The following GAREM1 variants were observed in gnomAD, a reference collection of about 807,000 sequenced individuals.
GAREM1 encodes GRB2 associated regulator of MAPK1 subtype 1, also known as GRB2-associated and regulator of MAPK protein 1.
Under a neutral mutation model 71.3 loss-of-function variants are expected in GAREM1, and 26 were observed. The observed-to-expected ratio is 0.36, with a 90% CI of 0.27 to 0.51. The LOEUF is 0.51. Ranked by LOEUF, GAREM1 falls within the 20% of genes least tolerant of loss-of-function variation. The pLI, the probability that GAREM1 is intolerant of heterozygous loss-of-function variation, is 0.95. For synonymous variants in GAREM1, 440 were observed against 433.2 expected, an observed-to-expected ratio of 1.02 and a Z score of -0.20; for missense variants, 1,026 against 1,103.1, an observed-to-expected ratio of 0.93 and a Z score of 0.99.
chr18:32,363,806 C>A (rs1242447386), intron 2 of GAREM1, among the ~76,000 whole-genome samples: 3 of 150,984 alleles, frequency 2.0e-5, no homozygotes, highest in Non-Finnish European at 4.4e-5. Context: ...AATCTTCCTA[C>A]AACTTTTTGA....
At chr18:32,433,702 A>G (rs1390906190) in intron 1 of GAREM1, among the ~76,000 whole-genome samples, 1 of 152,128 alleles carries the variant, frequency 6.6e-6, no homozygotes, top group African/African-American at 2.4e-5. Context: ...ATATAATACC[A>G]TTTACGATAG....
Position 32,266,121 on chromosome 18 carries a change from A to G in GAREM1, c.*1750T>C, listed in dbSNP as rs1210781542. On this transcript the variant is annotated 3_prime_UTR_variant, in exon 6 of 6. Transcript: ENST00000269209. ...TTTTGGGAGACACGTTAGGAGAAAA[A>G]AAATGCTTTTTTTTTTGATAAAGGA... 1 of 150,186 alleles carries G rather than the reference A, an allele frequency of 6.7e-6. No homozygotes were observed. The highest frequency in any genetic ancestry group is 1.5e-5 in the Non-Finnish European group (1 of 67,772). The allele number at this position is 150,186 out of a possible 1,614,324, so 9.3% of individuals were successfully genotyped here. A position where few individuals can be genotyped will look rare whatever the true frequency, so the allele number is the denominator to read the frequency against.
At chr18:32,294,910 C>T (rs535357590) in intron 3 of GAREM1, among the ~76,000 whole-genome samples, 23 of 152,106 alleles carry the variant, frequency 1.5e-4, no homozygotes, top group African/African-American at 4.8e-4. Flanking sequence ...TATAAAAATA[C>T]GATAAATTTG....
chr18:32,420,067 G>A (rs1362654094), intron 1 of GAREM1, among the ~76,000 whole-genome samples: 1 of 152,116 alleles, frequency 6.6e-6, no homozygotes, highest in Non-Finnish European at 1.5e-5. Flanking sequence ...CTTAAACTCA[G>A]ATAAATTTAA....
At chr18:32,343,682 C>T (rs11662835) in intron 2 of GAREM1, among the ~76,000 whole-genome samples, 10,439 of 152,200 alleles carry the variant, frequency 0.069, 413 homozygotes, top group Middle Eastern at 0.11. Context: ...CTCATATATT[C>T]CAGATTATGA....
intron 1 of GAREM1, among the ~76,000 whole-genome samples, chr18:32,450,093 G>A (rs139732635): frequency 3.9e-5 from 6 of 152,274 alleles, no homozygotes; most frequent in African/African-American, 1.2e-4. Flanking sequence ...ATTACAGTAA[G>A]GTTAAGTTAA....
intron 1 of GAREM1, among the ~76,000 whole-genome samples, chr18:32,435,501 T>C (rs16959889): frequency 0.081 from 12,280 of 152,242 alleles, 716 homozygotes; most frequent in African/African-American, 0.16. Context: ...GTCTGAATAC[T>C]AGATCACATT....
At chr18:32,389,803 C>A (rs566911960) in intron 2 of GAREM1, among the ~76,000 whole-genome samples, 1 of 152,144 alleles carries the variant, frequency 6.6e-6, no homozygotes, top group Admixed American at 6.5e-5. Context: ...TTCTTGGAGA[C>A]AAAATATATA....
intron 1 of GAREM1, among the ~76,000 whole-genome samples, chr18:32,441,647 A>G (rs1219574161): frequency 6.6e-6 from 1 of 152,176 alleles, no homozygotes; most frequent in Non-Finnish European, 1.5e-5. Context: ...AAACAAAAGC[A>G]GCTCGACTGC....
chr18:32,448,776 C>T lies in GAREM1; in HGVS notation c.121+21532G>A, dbSNP rs546785877. 9.5e-4 allele frequency among the ~76,000 whole-genome samples: 144 copies of T among 152,340 alleles called. No individual in the cohort carries two copies. The Middle Eastern group carries it at 0.014, about 14-fold the overall frequency. On this transcript the variant is annotated intron_variant, in intron 1 of 5. Coordinates refer to ENST00000269209, the MANE Select transcript of GAREM1 (RefSeq NM_001242409.2). ...TTACTTTGCTGTTATATGTCACCTT[C>T]CACCCCAAGTCTTTCTTGTTGGGGA...
rs545263104 is a variant in GAREM1 at position 32,278,676 on chromosome 18, G to A, written c.1567-8293C>T. On this transcript the variant is annotated intron_variant, in intron 4 of 5. Coordinates refer to ENST00000269209, the MANE Select transcript of GAREM1 (RefSeq NM_001242409.2). ...CCCAGATAACAAAATCATTACAGCCGTTAAGAAACCTTATTTATAAAGAGG... is the reference window on the plus strand; with the variant it reads ...CCCAGATAACAAAATCATTACAGCCATTAAGAAACCTTATTTATAAAGAGG... Among the ~76,000 whole-genome samples, 24 of 152,188 alleles carry A rather than the reference G, an allele frequency of 1.6e-4. No individual in the cohort carries two copies. In the South Asian group the frequency reaches 4.2e-3, roughly 26 times the overall value.
At chr18:32,276,050 T>TA (rs1461393581) in intron 4 of GAREM1, among the ~76,000 whole-genome samples, 1 of 152,256 alleles carries the variant, frequency 6.6e-6, no homozygotes, top group Admixed American at 6.5e-5. Flanking sequence ...CTGGTGTTGA[T>TA]ACAAGTCTCC....
chr18:32,418,756 A>C (rs2048490229), intron 1 of GAREM1, among the ~76,000 whole-genome samples: 1 of 152,168 alleles, frequency 6.6e-6, no homozygotes, highest in Admixed American at 6.5e-5. Context: ...ATTTAACGCA[A>C]CAGTGGCTCT....
At position 32,268,322 on chromosome 18, in the gene GAREM1, G is replaced by A. The variant is rs780556108; in HGVS notation, c.2180C>T (p.Pro727Leu). Residue 727 changes from proline (P) to leucine (L), a missense_variant, in exon 6 of 6, where the codon CCC becomes CTC. This residue lies in a region of GAREM1 where 636 missense variants were observed against 631.2 expected (regional missense o/e 1.01). Transcript: ENST00000269209. ...KQSTSCPALPPRAPKLVEEKV... is the reference protein window; with the variant it reads ...KQSTSCPALPLRAPKLVEEKV... Reference sequence around the variant, plus strand: ...CTCTTCCACTAGTTTTGGAGCCCTGGGGGGTAAGGCAGGGCATGACGTACT... The same window carrying A: ...CTCTTCCACTAGTTTTGGAGCCCTGAGGGGTAAGGCAGGGCATGACGTACT... 1.9e-6 allele frequency: 3 copies of A among 1,613,954 alleles called. No individual in the cohort carries two copies. Among genetic ancestry groups the A allele is most frequent in the African/African-American group, 1.3e-5 (1 of 74,894 alleles).
At chr18:32,344,726 AATGAAGTGTCAGGTCAGAAAGCTG>A (rs1257458020) in intron 2 of GAREM1, among the ~76,000 whole-genome samples, 1 of 152,252 alleles carries the variant, frequency 6.6e-6, no homozygotes, top group Admixed American at 6.5e-5. Context: ...AATTTGTAAT[AATGAAGTGTCAGGTCAGAAAGCTG>A]ATGAATAGTC....
At position 32,468,751 on chromosome 18, in the gene GAREM1, G is replaced by T. The variant is rs577063028; in HGVS notation, c.121+1557C>A. Among the ~76,000 whole-genome samples, 9 of 152,274 alleles carry T rather than the reference G, an allele frequency of 5.9e-5. No homozygotes were observed. In the South Asian group the frequency reaches 1.9e-3, roughly 32 times the overall value. ...CACATGCAGCAATGCTCTCTGCCTA[G>T]CTAGCAAATGTGGCAGTGTGCAGAG... is the stretch of plus-strand genomic sequence containing the variant. On this transcript the variant is annotated intron_variant, in intron 1 of 5. Transcript: ENST00000269209.
intron 1 of GAREM1, among the ~76,000 whole-genome samples, chr18:32,466,571 G>A (rs899858459): frequency 1.3e-5 from 2 of 152,178 alleles, no homozygotes; most frequent in Non-Finnish European, 2.9e-5. Flanking sequence ...CAAAAAGGTT[G>A]TAAGAATGCT....
At chr18:32,447,695 C>T (rs1462611885) in intron 1 of GAREM1, among the ~76,000 whole-genome samples, 1 of 152,074 alleles carries the variant, frequency 6.6e-6, no homozygotes, top group East Asian at 1.9e-4. Flanking sequence ...AATGATGTAA[C>T]TTTAGTACTA....
At chr18:32,375,972 A>G (rs953744736) in intron 2 of GAREM1, among the ~76,000 whole-genome samples, 33 of 152,152 alleles carry the variant, frequency 2.2e-4, no homozygotes, top group African/African-American at 7.0e-4. Flanking sequence ...AGAAGTCTGC[A>G]TGAACTTAGT....
Sources: allele counts gnomAD v4.1 joint callset (sites outside exome capture counted in the v4.1 genomes callset), GRCh38; gene constraint gnomAD v4.1.1; regional missense constraint gnomAD v4.1.1; transcripts MANE v1.5; gene names NCBI Gene and HGNC (gene_info 2026-07-23, HGNC 2026-07-21).